PABPC1: variants seen among roughly 807,000 people sequenced by gnomAD.
PABPC1 encodes the protein poly(A) binding protein cytoplasmic 1.
Under a neutral mutation model 74.0 loss-of-function variants are expected in PABPC1, and 4 were observed. The ratio of observed to expected loss-of-function variants is 0.05; its 90% confidence interval spans 0.03 to 0.12. The LOEUF is 0.12. PABPC1 is among the 10% of genes least tolerant of loss of function. The pLI, the probability that PABPC1 is intolerant of heterozygous loss-of-function variation, is 1.00. For missense variants in PABPC1, 271 were observed against 821.1 expected (o/e 0.33, Z 8.19); for synonymous variants, 227 against 264.1 (o/e 0.86, Z 1.36).
Position 100,712,593 on chromosome 8 carries a change from C to A in PABPC1, c.876+59G>T, listed in dbSNP as rs1023543131. ...CCAGCTACCTGGAAGTAACTGAAAT[C>A]AACGTAAAATAGGTTTCCTCATCCC... On this transcript the variant is annotated intron_variant, in intron 6 of 14. Transcript: ENST00000318607. 5.1e-6 allele frequency: 8 copies of A among 1,565,772 alleles called. No individual in the cohort carries two copies. In the African/African-American group the frequency reaches 1.1e-4, roughly 22 times the overall value.
chr8:100,711,553 A>AG (rs1810527690), intron 7 of PABPC1, among the ~76,000 whole-genome samples: 1 of 152,238 alleles, frequency 6.6e-6, no homozygotes, highest in Non-Finnish European at 1.5e-5. Context: ...AACAATATCC[A>AG]GGGAACACAC....
intron 3 of PABPC1, among the ~76,000 whole-genome samples, chr8:100,716,158 C>G (rs1014000787): frequency 6.6e-6 from 1 of 152,222 alleles, no homozygotes; most frequent in Non-Finnish European, 1.5e-5. Context: ...AATCCCAGCA[C>G]TTTGCAAGGC....
At chr8:100,712,223 T>G (rs1563612763) in intron 7 of PABPC1, 139 bp downstream of exon 7, 2 of 576,708 alleles carry the variant, frequency 3.5e-6, no homozygotes, top group Non-Finnish European at 6.2e-6. Flanking sequence ...TGACAACCAG[T>G]TCAAATGTGA....
chr8:100,713,376 C>A (rs1003692199), intron 4 of PABPC1, among the ~76,000 whole-genome samples, 195 bp from the exon 5 acceptor site: 1 of 152,190 alleles, frequency 6.6e-6, no homozygotes, highest in African/African-American at 2.4e-5. Context: ...TAAACACCTT[C>A]CCTCCCCTGA....
In PABPC1 at chr8:100,721,793, G is replaced by T; in HGVS notation, c.-210C>A. On this transcript the variant is annotated 5_prime_UTR_variant, in exon 1 of 15. Coordinates refer to ENST00000318607, the MANE Select transcript of PABPC1 (RefSeq NM_002568.4). The surrounding 1 kb of genome is among the most constrained non-coding windows in gnomAD (Gnocchi z 7.4). ...TGCCGGCTGCCGGCGGGGAGCGAGG[G>T]TGGCGGTGTCGGGTCCGGGCAGCGG... 1 of 440,302 alleles carries T rather than the reference G, an allele frequency of 2.3e-6. No individual in the cohort carries two copies. The highest frequency in any genetic ancestry group is 4.7e-5 in the South Asian group (1 of 21,378). The allele number at this position is 440,302 out of a possible 1,614,324, so 27.3% of individuals were successfully genotyped here. A position where few individuals can be genotyped will look rare whatever the true frequency, so the allele number is the denominator to read the frequency against.
At chr8:100,717,719 G>A in intron 3 of PABPC1, 54 bp downstream of exon 3, 8 of 1,054,012 alleles carry the variant, frequency 7.6e-6, no homozygotes, top group Non-Finnish European at 1.2e-5. Flanking sequence ...GAATGGATTT[G>A]GAATTATTAA....
rs1810838002 is a variant in PABPC1, at chr8:100,721,711, A to C, written c.-128T>G. 5 of 779,610 alleles carry C rather than the reference A, an allele frequency of 6.4e-6. No homozygotes were observed. Among genetic ancestry groups the C allele is most frequent in the South Asian group, 2.4e-5 (1 of 42,526 alleles). 48.3% of individuals were successfully genotyped at this position (779,610 alleles called of 1,614,324 possible). ...AGCAAGCGCAGAGGGACAAAAATCA[A>C]CCGGAATTGAAAACTACTCAACGGC... On this transcript the variant is annotated 5_prime_UTR_variant, in exon 1 of 15. Coordinates refer to ENST00000318607, the MANE Select transcript of PABPC1 (RefSeq NM_002568.4). This position sits in a 1 kb window ranked among gnomAD's most constrained non-coding sequence, Gnocchi z 7.4.
intron 3 of PABPC1, 73 bp from the exon 4 acceptor site, chr8:100,715,674 G>A (rs1587163394): frequency 1.8e-6 from 2 of 1,105,390 alleles, no homozygotes; most frequent in East Asian, 2.5e-5. Flanking sequence ...CCTGATGGTT[G>A]GTTTTGTTAC....
At chr8:100,717,721 A>T in intron 3 of PABPC1, 52 bp downstream of exon 3, 1 of 1,081,270 alleles carries the variant, frequency 9.2e-7, no homozygotes, top group Non-Finnish European at 1.4e-6. Flanking sequence ...ATGGATTTGG[A>T]ATTATTAAAA....
chr8:100,706,031 G>A (rs2129674334), intron 11 of PABPC1, among the ~76,000 whole-genome samples: 1 of 152,104 alleles, frequency 6.6e-6, no homozygotes, highest in Non-Finnish European at 1.5e-5. Flanking sequence ...TATTTTTAGA[G>A]CTGGGGTTTC....
At position 100,713,084 on chromosome 8, in the gene PABPC1, T is replaced by C; in HGVS notation, c.738+3A>G. On this transcript the variant is annotated splice_donor_region_variant and intron_variant, in intron 5 of 14. Transcript: ENST00000318607. ...TTCTTCCTGCTGAATACAGACCACT[T>C]ACTTTCTGTGCATCTTCATGCCTTT... 1.3e-6 allele frequency: 2 copies of C among 1,583,456 alleles called. No homozygotes were observed. The highest frequency in any genetic ancestry group is 1.7e-6 in the Non-Finnish European group (2 of 1,161,142).
At chr8:100,704,830 A>C in intron 13 of PABPC1, 96 bp downstream of exon 13, 1 of 1,232,312 alleles carries the variant, frequency 8.1e-7, no homozygotes, top group Non-Finnish European at 1.2e-6. Context: ...CATGGCTTAT[A>C]TATAACACGA....
chr8:100,720,218 A>G (rs960380994), intron 1 of PABPC1, among the ~76,000 whole-genome samples: 2 of 152,166 alleles, frequency 1.3e-5, no homozygotes, highest in Admixed American at 1.3e-4. Flanking sequence ...CTCAAAGCCA[A>G]TTGATCTAAA....
chr8:100,719,634 CTGA>C (rs1220512555), intron 1 of PABPC1, among the ~76,000 whole-genome samples: 1 of 152,150 alleles, frequency 6.6e-6, no homozygotes, highest in Non-Finnish European at 1.5e-5. Context: ...CTGGTACAGA[CTGA>C]TAATATATAC....
chr8:100,715,150 CACACACACATAT>C (rs1462847884), intron 4 of PABPC1, among the ~76,000 whole-genome samples: 13 of 84,572 alleles, frequency 1.5e-4, no homozygotes, highest in African/African-American at 4.3e-4. Flanking sequence ...CACACACACA[CACACACACATAT>C]ATATCTCCAG....
chr8:100,703,942 C>T (rs2129660501), intron 14 of PABPC1, among the ~76,000 whole-genome samples: 1 of 151,634 alleles, frequency 6.6e-6, no homozygotes, highest in East Asian at 1.9e-4. Context: ...TTAATCCCAG[C>T]TGCTCGGGAG....
chr8:100,721,525 G>A lies in PABPC1; in HGVS notation c.59C>T (p.Pro20Leu), dbSNP rs752138215. 1.5e-5 allele frequency: 24 copies of A among 1,610,990 alleles called. No homozygotes were observed. The highest frequency in any genetic ancestry group is 2.0e-5 in the Non-Finnish European group (24 of 1,178,318). The change falls in exon 1 of 15, where the codon CCC (proline) becomes CTC (leucine). Residue 20 changes from proline (P) to leucine (L), a missense_variant. Physicochemically the swap from Pro to Leu is moderately conservative, Grantham distance 98. This residue lies in a region of PABPC1 where 47 missense variants were observed against 214.1 expected (regional missense o/e 0.22). Transcript: ENST00000318607. The surrounding 1 kb of genome is among the most constrained non-coding windows in gnomAD (Gnocchi z 7.4). ...GTAGAGCATCGCCTCGGTCACGTCG[G>A]GGTGGAGGTCCCCCACGTAGAGCGA... is the stretch of plus-strand genomic sequence containing the variant. ...MASLYVGDLHPDVTEAMLYEK... is the reference protein window; with the variant it reads ...MASLYVGDLHLDVTEAMLYEK...
chr8:100,717,135 C>T (rs1342135029), intron 3 of PABPC1, among the ~76,000 whole-genome samples: 6 of 152,070 alleles, frequency 3.9e-5, no homozygotes, highest in Non-Finnish European at 7.4e-5. Context: ...CTCAGCCTCC[C>T]GAGTAGCTAG....
At chr8:100,705,133 G>T (rs1482224308) in intron 12 of PABPC1, 77 bp from the exon 13 acceptor site, 2 of 1,200,588 alleles carry the variant, frequency 1.7e-6, no homozygotes, top group African/African-American at 3.1e-5. Flanking sequence ...CATTAAACTG[G>T]GGTTTAAGAA....
Sources: gnomAD v4.1 joint callset for allele counts (sites outside exome capture counted in the v4.1 genomes callset) on GRCh38, gnomAD v4.1.1 for gene constraint, gnomAD v4.1.1 regional missense constraint, Gnocchi (gnomAD v3.1) non-coding constraint, MANE v1.5 for transcripts, NCBI Gene and HGNC (gene_info 2026-07-23, HGNC 2026-07-21) for gene names.